The following BCAS3 variants were observed in gnomAD, a reference collection of about 807,000 sequenced individuals.
BCAS3 encodes the protein BCAS3 microtubule associated cell migration factor.
BCAS3 carries 53 observed loss-of-function variants against 116.1 expected under a neutral mutation model. The observed-to-expected ratio is 0.46, with a 90% CI of 0.37 to 0.57. The LOEUF is 0.57. Ranked by LOEUF, BCAS3 falls within the 20% of genes least tolerant of loss-of-function variation. The pLI is 0.00. For missense variants in BCAS3, 917 were observed against 1,165.4 expected, an observed-to-expected ratio of 0.79 and a Z score of 3.10; for synonymous variants, 391 against 408.2, an observed-to-expected ratio of 0.96 and a Z score of 0.51.
At chr17:61,187,013 A>G (rs2079820323) in intron 22 of BCAS3, among the ~76,000 whole-genome samples, 1 of 152,178 alleles carries the variant, frequency 6.6e-6, no homozygotes, top group South Asian at 2.1e-4. Flanking sequence ...CCCAGCCAAC[A>G]GTTTCTTTAT....
intron 6 of BCAS3, 81 bp from the exon 7 acceptor site, chr17:60,807,923 G>T: frequency 1.0e-6 from 1 of 972,002 alleles, no homozygotes. Flanking sequence ...TCCTTTTCAA[G>T]TATTTTGAAA....
chr17:61,100,193 G>A (rs187075767), intron 22 of BCAS3, among the ~76,000 whole-genome samples: 8 of 152,266 alleles, frequency 5.3e-5, no homozygotes, highest in African/African-American at 1.9e-4. Flanking sequence ...AGTTTATGTA[G>A]TTCTCAAATG....
intron 22 of BCAS3, among the ~76,000 whole-genome samples, chr17:61,273,927 C>CG (rs2050534446): frequency 6.7e-6 from 1 of 149,314 alleles, no homozygotes; most frequent in South Asian, 2.1e-4. Flanking sequence ...TTTTTTTCCC[C>CG]CACTGGCTTA....
chr17:60,809,893 G>A (rs1288100514), intron 7 of BCAS3, among the ~76,000 whole-genome samples: 2 of 152,146 alleles, frequency 1.3e-5, no homozygotes, highest in Non-Finnish European at 2.9e-5. Flanking sequence ...GACCCTGAAA[G>A]TCAGGCTTTA....
intron 22 of BCAS3, among the ~76,000 whole-genome samples, chr17:61,322,542 A>G (rs963899652): frequency 6.6e-6 from 1 of 152,162 alleles, no homozygotes; most frequent in African/African-American, 2.4e-5. Context: ...AGGCACAGCC[A>G]AGAACATGGC....
In BCAS3 at chr17:61,013,984, T is replaced by A. The variant is rs2065272704; in HGVS notation, c.1487-1767T>A. Among the ~76,000 whole-genome samples, 2 of 152,120 alleles carry A rather than the reference T, an allele frequency of 1.3e-5. No homozygotes were observed. The highest frequency in any genetic ancestry group is 4.8e-5 in the African/African-American group (2 of 41,444). ...CCATGCTATTTTTAAAGCAAATGTC[T>A]TTTAGGATGTGTTTTAGAAATAAGA... is the stretch of plus-strand genomic sequence containing the variant. On this transcript the variant is annotated intron_variant, in intron 15 of 23. Transcript: ENST00000407086. The surrounding 1 kb of genome is among the most constrained non-coding windows in gnomAD (Gnocchi z 4.4).
chr17:60,944,276 A>G (rs967146858), intron 13 of BCAS3, among the ~76,000 whole-genome samples: 1 of 152,106 alleles, frequency 6.6e-6, no homozygotes, highest in Non-Finnish European at 1.5e-5. Flanking sequence ...GAAAAAGTGG[A>G]TATCATTAAT....
rs562414402 is a variant in BCAS3 at position 61,077,377 on chromosome 17, C to T, written c.2131-956C>T. ...CTAAAAATACAAAAAATTAGCCGGG[C>T]GTGGTGGCGGGCGCCTGTAGTCCCA... On this transcript the variant is annotated intron_variant, in intron 20 of 23. Coordinates refer to ENST00000407086, the MANE Select transcript of BCAS3 (RefSeq NM_017679.5). The surrounding 1 kb of genome is among the most constrained non-coding windows in gnomAD (Gnocchi z 4.3). Among the ~76,000 whole-genome samples the T allele has an allele frequency of 1.5e-4, 23 of 152,134 alleles. No homozygotes were observed. Among genetic ancestry groups the T allele is most frequent in the Admixed American group, 6.5e-4 (10 of 15,274 alleles).
In BCAS3 at chr17:61,208,239, A is replaced by G. The variant is rs1022317330; in HGVS notation, c.2425+123675A>G. ...TGGTATTTTAGTTATTGTATTGTCT[A>G]CTCATATATTTGACTTTTCACTGTG... is the stretch of plus-strand genomic sequence containing the variant. On this transcript the variant is annotated intron_variant, in intron 22 of 23. Transcript: ENST00000407086. This position sits in a 1 kb window ranked among gnomAD's most constrained non-coding sequence, Gnocchi z 4.5. Among the ~76,000 whole-genome samples, 12 of 152,026 alleles carry G rather than the reference A, an allele frequency of 7.9e-5. No homozygotes were observed. Among genetic ancestry groups the G allele is most frequent in the Admixed American group, 1.3e-4 (2 of 15,254 alleles).
At position 61,009,464 on chromosome 17, in the gene BCAS3, C is replaced by T. The variant is rs768806639; in HGVS notation, c.1487-6287C>T. ...TTTTAGAAACCTGTAACAAAAATTT[C>T]TCTCTCTCTCTGGTATGACACTCCT... On this transcript the variant is annotated intron_variant, in intron 15 of 23. Coordinates refer to ENST00000407086, the MANE Select transcript of BCAS3 (RefSeq NM_017679.5). Among the ~76,000 whole-genome samples, 12 of 151,912 alleles carry T rather than the reference C, an allele frequency of 7.9e-5. No homozygotes were observed. The South Asian group carries it at 1.0e-3, about 13-fold the overall frequency.
chr17:61,176,527 ATTT>A (rs2079160032), intron 22 of BCAS3, among the ~76,000 whole-genome samples: 4 of 76,812 alleles, frequency 5.2e-5, no homozygotes, highest in African/African-American at 2.6e-4. Flanking sequence ...TGTAATGTCT[ATTT>A]ATTTATTTAT....
chr17:61,125,105 A>G (rs1250524120), intron 22 of BCAS3, among the ~76,000 whole-genome samples: 1 of 152,208 alleles, frequency 6.6e-6, no homozygotes, highest in African/African-American at 2.4e-5. Context: ...ATGTCTAGGT[A>G]TGTGTATATT....
intron 5 of BCAS3, among the ~76,000 whole-genome samples, chr17:60,739,701 G>A (rs2041336359): frequency 6.6e-6 from 1 of 152,020 alleles, no homozygotes; most frequent in South Asian, 2.1e-4. Context: ...ATGTAAATCT[G>A]AGTTTCTGAC....
intron 7 of BCAS3, among the ~76,000 whole-genome samples, chr17:60,812,798 G>A (rs1170279230): frequency 1.3e-5 from 2 of 151,988 alleles, no homozygotes; most frequent in East Asian, 1.9e-4. Flanking sequence ...CAGGTGCAGT[G>A]GTCCAATCAT....
At position 61,007,259 on chromosome 17, in the gene BCAS3, T is replaced by C. The variant is rs1296156097; in HGVS notation, c.1487-8492T>C. On this transcript the variant is annotated intron_variant, in intron 15 of 23. Transcript: ENST00000407086. This position sits in a 1 kb window ranked among gnomAD's most constrained non-coding sequence, Gnocchi z 4.3. ...TTCATCTCCTTTTCTAGGGAATTTT[T>C]GCCTCCTAAGTTTTCAATATTCCTT... Among the ~76,000 whole-genome samples, 2 of 152,080 alleles carry C rather than the reference T, an allele frequency of 1.3e-5. No homozygotes were observed. Among genetic ancestry groups the C allele is most frequent in the African/African-American group, 4.8e-5 (2 of 41,430 alleles).
chr17:61,115,205 A>G (rs1285066534), intron 22 of BCAS3, among the ~76,000 whole-genome samples: 3 of 152,194 alleles, frequency 2.0e-5, no homozygotes, highest in Non-Finnish European at 4.4e-5. Flanking sequence ...CCAAAACACC[A>G]AAAGCAATGG....
Position 61,233,538 on chromosome 17 carries a change from A to G in BCAS3, c.2426-134789A>G, listed in dbSNP as rs72832592. ...ACAGTAAATGAAGGGCTTCCCTGAA[A>G]GGTGGAGCCAGTAGACTTGATTTGG... On this transcript the variant is annotated intron_variant, in intron 22 of 23. Transcript: ENST00000407086. This position sits in a 1 kb window ranked among gnomAD's most constrained non-coding sequence, Gnocchi z 4.3. 0.017 allele frequency among the ~76,000 whole-genome samples: 2,577 copies of G among 152,264 alleles called. 39 individuals carry two copies. Among genetic ancestry groups the G allele is most frequent in the Non-Finnish European group, 0.023 (1,585 of 68,016 alleles).
chr17:60,997,737 C>G (rs1364769978), intron 15 of BCAS3, among the ~76,000 whole-genome samples: 1 of 152,184 alleles, frequency 6.6e-6, no homozygotes, highest in Non-Finnish European at 1.5e-5. Context: ...TCTTTAAAGG[C>G]CAGCTTGTGA....
rs758618991 is a variant in BCAS3, at chr17:61,366,085, G to A, written c.2426-2242G>A. ...CTGGACCCAGGAGGCAGAGGTTGCC[G>A]TGAGCCAAGATCATACCACTGCACT... On this transcript the variant is annotated intron_variant, in intron 22 of 23. Transcript: ENST00000407086. This position sits in a 1 kb window ranked among gnomAD's most constrained non-coding sequence, Gnocchi z 4.5. Among the ~76,000 whole-genome samples the A allele has an allele frequency of 3.6e-4, 54 of 151,770 alleles. No individual in the cohort carries two copies. Among genetic ancestry groups the A allele is most frequent in the Non-Finnish European group, 6.5e-4 (44 of 68,002 alleles).
Sources: allele counts gnomAD v4.1 joint callset (sites outside exome capture counted in the v4.1 genomes callset), GRCh38; gene constraint gnomAD v4.1.1; non-coding constraint Gnocchi (gnomAD v3.1); transcripts MANE v1.5; gene names NCBI Gene and HGNC (gene_info 2026-07-23, HGNC 2026-07-21).